PIWIL3: variants seen among roughly 807,000 people sequenced by gnomAD.
PIWIL3 encodes the protein piwi like RNA-mediated gene silencing 3.
In PIWIL3, 101 loss-of-function variants were observed where a neutral mutation model predicts 109.7. That is an observed-to-expected ratio of 0.92 (90% CI 0.78 to 1.09). The LOEUF (loss-of-function observed/expected upper bound fraction) is 1.09, where lower values mean the gene tolerates loss of function less well. PIWIL3 is among the 50% of genes least tolerant of loss of function. The pLI is 0.00. For missense variants in PIWIL3, 1,031 were observed against 1,072.6 expected (o/e 0.96, Z 0.54); for synonymous variants, 373 against 376.4 (o/e 0.99, Z 0.10).
At chr22:24,742,301 G>A (rs577948033) in intron 12 of PIWIL3, among the ~76,000 whole-genome samples, 104 of 152,022 alleles carry the variant, frequency 6.8e-4, no homozygotes, top group African/African-American at 2.3e-3. Flanking sequence ...AATCAATATT[G>A]TGAAAATGAC....
At chr22:24,758,866 T>C (rs879593059) in intron 3 of PIWIL3, among the ~76,000 whole-genome samples, 8 of 152,228 alleles carry the variant, frequency 5.3e-5, no homozygotes, top group Non-Finnish European at 8.8e-5. Context: ...ACAGGTATCC[T>C]AGCTTGGCAC....
At chr22:24,744,178 T>TTAAAAAAAAAAAA (rs1924180538) in intron 12 of PIWIL3, among the ~76,000 whole-genome samples, 731 of 34,306 alleles carry the variant, frequency 0.021, 254 homozygotes, top group South Asian at 0.041. Context: ...GTGACCGAAT[T>TTAAAAAAAAAAAA]AAAAAAAAAA....
At chr22:24,769,452 A>C (rs1387507972) in intron 1 of PIWIL3, among the ~76,000 whole-genome samples, 2 of 152,070 alleles carry the variant, frequency 1.3e-5, no homozygotes, top group African/African-American at 4.8e-5. Context: ...CTCTACTAAA[A>C]ATATAAAAAA....
At chr22:24,745,098 C>G (rs1211912896) in intron 12 of PIWIL3, among the ~76,000 whole-genome samples, 1 of 152,156 alleles carries the variant, frequency 6.6e-6, no homozygotes, top group African/African-American at 2.4e-5. Flanking sequence ...CACATGGAAA[C>G]TAAACAATAT....
In PIWIL3 at chr22:24,719,323, A is replaced by G. The variant is rs1922523192; in HGVS notation, c.*149T>C. 2 of 588,348 alleles carry G rather than the reference A, an allele frequency of 3.4e-6. No homozygotes were observed. Among genetic ancestry groups the G allele is most frequent in the South Asian group, 2.7e-5 (1 of 37,026 alleles). 36.4% of individuals were successfully genotyped at this position (588,348 alleles called of 1,614,324 possible). A position where few individuals can be genotyped will look rare whatever the true frequency, so the allele number is the denominator to read the frequency against. On this transcript the variant is annotated 3_prime_UTR_variant, in exon 21 of 21. Coordinates refer to ENST00000616349, the MANE Select transcript of PIWIL3 (RefSeq NM_001255975.1). The stretch of plus-strand genomic sequence containing the variant: ...TCTGTGGTAGTATTGAGAGTAGAAC[A>G]TATCACTCTGAATCTCTCCTGTGTC...
At chr22:24,767,771 T>C (rs975887563) in intron 1 of PIWIL3, among the ~76,000 whole-genome samples, 5 of 152,158 alleles carry the variant, frequency 3.3e-5, no homozygotes, top group Non-Finnish European at 7.3e-5. Flanking sequence ...CATAGAACAC[T>C]AAGCAAGATA....
chr22:24,728,016 T>C lies in PIWIL3; in HGVS notation c.1943A>G (p.His648Arg). ...RTMFVGIDCF[H>R]DIVNRQKSIA... ...TGATTTCTGTCGATTTACGATATCG[T>C]GGAAACAATCAATGCCAACGAACAT... Residue 648 changes from histidine to arginine, a missense_variant, in exon 16 of 21, where the codon CAC becomes CGC. His to Arg is a conservative substitution (Grantham distance 29, BLOSUM62 0). Transcript: ENST00000616349. 3 of 1,614,094 alleles carry C rather than the reference T, an allele frequency of 1.9e-6. No individual in the cohort carries two copies. The highest frequency in any genetic ancestry group is 1.7e-6 in the Non-Finnish European group (2 of 1,180,008).
Position 24,723,154 on chromosome 22 carries a change from T to G in PIWIL3, c.2333A>C (p.Asp778Ala), listed in dbSNP as rs750754366. The G allele has an allele frequency of 1.9e-6, 3 of 1,613,348 alleles. No individual in the cohort carries two copies. In the African/African-American group the frequency reaches 4.0e-5, roughly 22 times the overall value. ...FQNPPPGTVI[D>A]VELTRNEWYD... is the part of the protein sequence containing the mutation. The stretch of plus-strand genomic sequence containing the variant: ...CCATTCATTCCTAGTCAACTCTACA[T>G]CAATAACTGTTCCTGGAGGTGGATT... The change falls in exon 19 of 21, where the codon GAT (aspartate) becomes GCT (alanine). Residue 778 changes from aspartate (D) to alanine (A), a missense_variant. Transcript: ENST00000616349.
At chr22:24,744,502 G>A (rs553705084) in intron 12 of PIWIL3, among the ~76,000 whole-genome samples, 1 of 152,220 alleles carries the variant, frequency 6.6e-6, no homozygotes, top group South Asian at 2.1e-4. Flanking sequence ...GAACCCGGGA[G>A]GAGGACATTG....
chr22:24,734,291 G>A, intron 13 of PIWIL3, 135 bp from the exon 14 acceptor site: 2 of 1,348,660 alleles, frequency 1.5e-6, no homozygotes, highest in Non-Finnish European at 1.9e-6. Context: ...ATGTTTAAAA[G>A]AAAAAAGACA....
intron 4 of PIWIL3, among the ~76,000 whole-genome samples, chr22:24,757,699 C>CAT (rs1925170155): frequency 1.7e-5 from 1 of 60,022 alleles, no homozygotes; most frequent in Non-Finnish European, 3.7e-5. Context: ...CACACACACA[C>CAT]ATTCGGGCAT....
At chr22:24,762,337 A>G in intron 2 of PIWIL3, 61 bp downstream of exon 2, 1 of 1,553,244 alleles carries the variant, frequency 6.4e-7, no homozygotes, top group Non-Finnish European at 8.7e-7. Context: ...AACCAACTCT[A>G]TGTTCTTTTC....
Position 24,739,815 on chromosome 22 carries a change from C to T in PIWIL3, c.1450-3923G>A, listed in dbSNP as rs146567587. Among the ~76,000 whole-genome samples, 792 of 152,138 alleles carry T rather than the reference C, an allele frequency of 5.2e-3. 6 individuals are homozygous for T. The highest frequency in any genetic ancestry group is 0.017 in the African/African-American group (720 of 41,514). ...CCTGTAATCCCAGCATTTTGAGAGG[C>T]CGAGGCGGGAGGATCATGAGGTCAG... On this transcript the variant is annotated intron_variant, in intron 12 of 20. Coordinates refer to ENST00000616349, the MANE Select transcript of PIWIL3 (RefSeq NM_001255975.1).
intron 12 of PIWIL3, among the ~76,000 whole-genome samples, chr22:24,744,178 T>TAAAAAAAAAAAA (rs1188611412): frequency 2.3e-4 from 8 of 34,316 alleles, no homozygotes; most frequent in Non-Finnish European, 3.4e-4. Context: ...GTGACCGAAT[T>TAAAAAAAAAAAA]AAAAAAAAAA....
rs76279796 is a variant in PIWIL3, at chr22:24,750,266, C to T, written c.1090-447G>A. On this transcript the variant is annotated intron_variant, in intron 9 of 20. Transcript: ENST00000616349. ...GATAGTTTCACATTCAGGATAGGTT[C>T]ACCCGTTAGGCCCTTTTTCCATCTG... is the stretch of plus-strand genomic sequence containing the variant. Among the ~76,000 whole-genome samples the T allele has an allele frequency of 7.6e-3, 1,151 of 150,978 alleles. 20 individuals carry two copies. Among genetic ancestry groups the T allele is most frequent in the African/African-American group, 0.027 (1,092 of 41,072 alleles).
At chr22:24,734,525 A>C (rs1923541521) in intron 13 of PIWIL3, among the ~76,000 whole-genome samples, 1 of 152,200 alleles carries the variant, frequency 6.6e-6, no homozygotes, top group Non-Finnish European at 1.5e-5. Context: ...GAAACTTCCC[A>C]GGGAAACAGT....
rs146163723 is a variant in PIWIL3, at chr22:24,771,932, G to A, written c.-23+2390C>T. ...GCTGGTCTCTTACTCCTGACCTCGT[G>A]ATCCACCTGCATTGGCCTCCCAAAG... On this transcript the variant is annotated intron_variant, in intron 1 of 20. Transcript: ENST00000616349. 8.5e-3 allele frequency among the ~76,000 whole-genome samples: 1,296 copies of A among 152,260 alleles called. 11 individuals carry two copies. Among genetic ancestry groups the A allele is most frequent in the Non-Finnish European group, 0.014 (978 of 68,018 alleles).
In PIWIL3 at chr22:24,738,514, G is replaced by A. The variant is rs147365608; in HGVS notation, c.1450-2622C>T. 2.3e-3 allele frequency among the ~76,000 whole-genome samples: 346 copies of A among 152,342 alleles called. 3 individuals carry two copies. The highest frequency in any genetic ancestry group is 7.6e-3 in the African/African-American group (317 of 41,582). ...TGGTGGTCACCGCAGGGATGCCTGT[G>A]TCACCCCAAACCCAGCTCCAGGCGG... On this transcript the variant is annotated intron_variant, in intron 12 of 20. Coordinates refer to ENST00000616349, the MANE Select transcript of PIWIL3 (RefSeq NM_001255975.1).
At chr22:24,757,523 T>G (rs1479335812) in intron 4 of PIWIL3, among the ~76,000 whole-genome samples, 1 of 144,944 alleles carries the variant, frequency 6.9e-6, no homozygotes, top group African/African-American at 2.6e-5. Flanking sequence ...TGGTAGCTCA[T>G]TCCTGTAATC....
Sources: gnomAD v4.1 joint callset for allele counts (sites outside exome capture counted in the v4.1 genomes callset) on GRCh38, gnomAD v4.1.1 for gene constraint, MANE v1.5 for transcripts, NCBI Gene and HGNC (gene_info 2026-07-23, HGNC 2026-07-21) for gene names.